The following RBMS2 variants were observed in gnomAD, a reference collection of about 807,000 sequenced individuals.
RBMS2 encodes RNA-binding motif, single-stranded-interacting protein 2.
Under a neutral mutation model 58.4 loss-of-function variants are expected in RBMS2, and 38 were observed. The ratio of observed to expected loss-of-function variants is 0.65; its 90% confidence interval spans 0.50 to 0.85. The LOEUF is 0.85. Among genes scored for constraint, RBMS2 ranks in the 40% least tolerant of loss-of-function variants. The pLI is 0.00. For missense variants in RBMS2, 367 were observed against 503.7 expected, an observed-to-expected ratio of 0.73 and a Z score of 2.60; for synonymous variants, 151 against 180.7, an observed-to-expected ratio of 0.84 and a Z score of 1.32.
At position 56,562,594 on chromosome 12, in the gene RBMS2, G is replaced by GT; in HGVS notation, c.233+12dup. ...CAAGCTGTGTCAGCCGTAAGTTGGA[G>GT]TACATGTGCGTAGGCTTCCAGGGAC... is the stretch of plus-strand genomic sequence containing the variant. On this transcript the variant is annotated intron_variant, in intron 2 of 13. Transcript: ENST00000262031. 6.2e-7 allele frequency: 1 copy of GT among 1,609,624 alleles called. No individual in the cohort carries two copies. Among genetic ancestry groups the GT allele is most frequent in the East Asian group, 2.2e-5 (1 of 44,860 alleles).
intron 1 of RBMS2, among the ~76,000 whole-genome samples, chr12:56,524,424 T>TC (rs1445310588): frequency 3.1e-5 from 1 of 32,242 alleles, no homozygotes; most frequent in African/African-American, 5.3e-5. Flanking sequence ...TATTTTTACT[T>TC]TTTTTTTTTT....
intron 1 of RBMS2, among the ~76,000 whole-genome samples, chr12:56,533,619 T>C (rs745430241): frequency 1.4e-4 from 21 of 151,498 alleles, no homozygotes; most frequent in Non-Finnish European, 2.4e-4. Flanking sequence ...TTTCACCATG[T>C]TGACCAGGTT....
In RBMS2 at chr12:56,581,276, G is replaced by A. The variant is rs1385705809; in HGVS notation, c.622+13G>A. 3.1e-6 allele frequency: 5 copies of A among 1,593,682 alleles called. No homozygotes were observed. The highest frequency in any genetic ancestry group is 1.3e-5 in the African/African-American group (1 of 74,388). ...CCTGGAGTACCAGGTGAGGCATCTG[G>A]GGCTCAGGCTGAGAGGGCCACAGGT... On this transcript the variant is annotated intron_variant, in intron 6 of 13. Transcript: ENST00000262031.
intron 1 of RBMS2, among the ~76,000 whole-genome samples, chr12:56,545,807 C>T (rs145890889): frequency 6.6e-6 from 1 of 152,204 alleles, no homozygotes; most frequent in East Asian, 1.9e-4. Flanking sequence ...ATGAATATAT[C>T]ATATTTTATT....
In RBMS2 at chr12:56,581,455, A is replaced by G. The variant is rs1223178186; in HGVS notation, c.679A>G (p.Asn227Asp). 6.2e-7 allele frequency: 1 copy of G among 1,614,134 alleles called. No homozygotes were observed. Among genetic ancestry groups the G allele is most frequent in the African/African-American group, 1.3e-5 (1 of 74,942 alleles). ...FADGGPKKRQ[N>D]QGKFVQNGRA... ...TGATGGCGGGCCAAAGAAACGACAG[A>G]ACCAAGGAAAATTTGTGCAAAATGG... Residue 227 changes from asparagine to aspartate, a missense_variant, in exon 7 of 14, where the codon AAC becomes GAC. By Grantham distance (23) the Asn-to-Asp change is conservative. This residue lies in a region of RBMS2 where 220 missense variants were observed against 261.1 expected (regional missense o/e 0.84). Transcript: ENST00000262031.
At chr12:56,567,454 AAAG>A (rs1054928435) in intron 2 of RBMS2, among the ~76,000 whole-genome samples, 24 of 151,828 alleles carry the variant, frequency 1.6e-4, no homozygotes, top group Admixed American at 7.9e-4. Context: ...GAAGAAGAAG[AAAG>A]AAGAAGAAGG....
intron 2 of RBMS2, among the ~76,000 whole-genome samples, chr12:56,568,038 T>C (rs1203998633): frequency 6.6e-6 from 1 of 152,188 alleles, no homozygotes; most frequent in African/African-American, 2.4e-5. Context: ...TAATTCACAG[T>C]CCTAACAATC....
chr12:56,531,757 G>T (rs540009443), intron 1 of RBMS2, among the ~76,000 whole-genome samples: 2 of 148,940 alleles, frequency 1.3e-5, no homozygotes, highest in Non-Finnish European at 3.0e-5. Context: ...GACAGAGGCT[G>T]CAGTGAGCCG....
chr12:56,529,611 GAAAA>G (rs973619853), intron 1 of RBMS2, among the ~76,000 whole-genome samples: 4 of 145,452 alleles, frequency 2.8e-5, no homozygotes, highest in South Asian at 2.2e-4. Flanking sequence ...ATCTCTAGGG[GAAAA>G]AAAAAAGAAA....
Position 56,568,935 on chromosome 12 carries a change from T to C in RBMS2, c.234-40T>C, listed in dbSNP as rs778215016. On this transcript the variant is annotated intron_variant, in intron 2 of 13. Coordinates refer to ENST00000262031, the MANE Select transcript of RBMS2 (RefSeq NM_002898.4). Reference sequence around the variant, plus strand: ...GAATCTCTGTCCTATTCTTAGTCTCTGCCCCCCAGATTATTACTTTGCATT... The same window carrying C: ...GAATCTCTGTCCTATTCTTAGTCTCCGCCCCCCAGATTATTACTTTGCATT... 15 of 1,517,232 alleles carry C rather than the reference T, an allele frequency of 9.9e-6. No individual in the cohort carries two copies. In the South Asian group the frequency reaches 1.0e-4, roughly 10 times the overall value. The allele number at this position is 1,517,232 out of a possible 1,614,324, so 94.0% of individuals were successfully genotyped here.
chr12:56,523,755 A>G (rs996407661), intron 1 of RBMS2, among the ~76,000 whole-genome samples: 1 of 152,222 alleles, frequency 6.6e-6, no homozygotes, highest in African/African-American at 2.4e-5. Context: ...GCAAGACTCC[A>G]TCTCAAAAAG....
At chr12:56,531,490 G>A (rs1332170951) in intron 1 of RBMS2, among the ~76,000 whole-genome samples, 1 of 152,008 alleles carries the variant, frequency 6.6e-6, no homozygotes, top group South Asian at 2.1e-4. Context: ...TGTGACCAGC[G>A]CCAGGTGTCT....
intron 1 of RBMS2, among the ~76,000 whole-genome samples, chr12:56,547,653 T>TC (rs1877492115): frequency 1.7e-5 from 1 of 57,710 alleles, no homozygotes; most frequent in Non-Finnish European, 5.9e-5. Flanking sequence ...TTTTCTTTTC[T>TC]TTTTTTTTTT....
intron 5 of RBMS2, among the ~76,000 whole-genome samples, chr12:56,578,785 T>G (rs1273324725): frequency 6.6e-6 from 1 of 151,944 alleles, no homozygotes; most frequent in African/African-American, 2.4e-5. Flanking sequence ...GACAACATGG[T>G]GAAACCCCAT....
At chr12:56,583,359 A>G in intron 9 of RBMS2, among the ~76,000 whole-genome samples, 1 of 152,182 alleles carries the variant, frequency 6.6e-6, no homozygotes, top group East Asian at 1.9e-4. Context: ...CTCTTTTAAA[A>G]TTGTTCCTGT....
intron 5 of RBMS2, among the ~76,000 whole-genome samples, chr12:56,575,143 C>A (rs565330554): frequency 2.0e-5 from 3 of 151,756 alleles, no homozygotes; most frequent in African/African-American, 7.3e-5. Context: ...GCACTTCAGC[C>A]TGGGCAACAG....
chr12:56,577,621 C>A (rs950846437), intron 5 of RBMS2, among the ~76,000 whole-genome samples: 6 of 151,728 alleles, frequency 4.0e-5, no homozygotes, highest in Non-Finnish European at 8.8e-5. Context: ...ACTACAGGCC[C>A]CCACCACCAT....
intron 4 of RBMS2, among the ~76,000 whole-genome samples, chr12:56,570,988 G>A (rs551462804): frequency 5.0e-4 from 76 of 152,334 alleles, no homozygotes; most frequent in African/African-American, 1.5e-3. Flanking sequence ...AAAGGAAAAG[G>A]CAGAAGAGGA....
intron 12 of RBMS2, 176 bp from the exon 13 acceptor site, chr12:56,588,756 A>G (rs1010783490): frequency 1.4e-4 from 91 of 659,974 alleles, no homozygotes; most frequent in Non-Finnish European, 1.1e-4. Flanking sequence ...TGGGAAGAGG[A>G]CAGGCTGTAG....
Sources: gnomAD v4.1 joint callset for allele counts (sites outside exome capture counted in the v4.1 genomes callset) on GRCh38, gnomAD v4.1.1 for gene constraint, gnomAD v4.1.1 regional missense constraint, MANE v1.5 for transcripts, NCBI Gene and HGNC (gene_info 2026-07-23, HGNC 2026-07-21) for gene names.